The following ITGA8 variants were observed in gnomAD, a reference collection of about 807,000 sequenced individuals.
The protein encoded by ITGA8 is integrin subunit alpha 8, also known as integrin alpha-8.
Under a neutral mutation model 142.3 loss-of-function variants are expected in ITGA8, and 91 were observed. That is an observed-to-expected ratio of 0.64 (90% CI 0.54 to 0.76). The LOEUF is 0.76. ITGA8 is among the 30% of genes least tolerant of loss of function. The pLI is 0.00. For missense variants in ITGA8, 1,406 were observed against 1,327.7 expected (o/e 1.06, Z -0.92); for synonymous variants, 505 against 485.2 (o/e 1.04, Z -0.54).
chr10:15,615,411 G>A (rs1266002371), intron 14 of ITGA8, among the ~76,000 whole-genome samples: 2 of 152,340 alleles, frequency 1.3e-5, no homozygotes, highest in East Asian at 1.9e-4. Flanking sequence ...TCTGGAAGCC[G>A]ATTAGGTTAG....
chr10:15,549,306 G>A (rs2037001752), intron 26 of ITGA8, among the ~76,000 whole-genome samples: 1 of 147,214 alleles, frequency 6.8e-6, no homozygotes, highest in Non-Finnish European at 1.5e-5. Flanking sequence ...TGCTTTCTGG[G>A]TTCAAGTGAT....
chr10:15,634,278 G>A (rs1339768978), intron 13 of ITGA8, among the ~76,000 whole-genome samples: 5 of 152,028 alleles, frequency 3.3e-5, no homozygotes, highest in East Asian at 1.9e-4. Context: ...AAAGGCATGC[G>A]TTATGCCCAT....
chr10:15,665,577 A>T (rs1427518255), intron 8 of ITGA8, among the ~76,000 whole-genome samples: 1 of 30,352 alleles, frequency 3.3e-5, no homozygotes, highest in South Asian at 3.1e-3. Context: ...TGTTTTAGAC[A>T]TGAAGTCCTT....
At chr10:15,692,042 A>G (rs1834945037) in intron 2 of ITGA8, among the ~76,000 whole-genome samples, 1 of 152,048 alleles carries the variant, frequency 6.6e-6, no homozygotes, top group African/African-American at 2.4e-5. Context: ...GGCTCAAGTG[A>G]TCCTCCCATC....
At chr10:15,703,199 CT>C (rs1254101461) in intron 2 of ITGA8, among the ~76,000 whole-genome samples, 1 of 152,142 alleles carries the variant, frequency 6.6e-6, no homozygotes, top group African/African-American at 2.4e-5. Context: ...TTATATTAGT[CT>C]GCCTATTGTA....
chr10:15,646,520 G>A (rs982336345), intron 12 of ITGA8, among the ~76,000 whole-genome samples: 3 of 152,096 alleles, frequency 2.0e-5, no homozygotes, highest in Non-Finnish European at 2.9e-5. Context: ...TCTGATAACC[G>A]AATGTGTCTT....
intron 22 of ITGA8, among the ~76,000 whole-genome samples, chr10:15,588,144 G>A (rs1182618004): frequency 6.6e-6 from 1 of 152,150 alleles, no homozygotes; most frequent in Non-Finnish European, 1.5e-5. Flanking sequence ...GCGGTAGGTT[G>A]TGACTAGCTT....
intron 20 of ITGA8, among the ~76,000 whole-genome samples, chr10:15,602,547 G>T (rs1250405352): frequency 1.3e-5 from 2 of 152,102 alleles, no homozygotes; most frequent in Admixed American, 6.6e-5. Flanking sequence ...AGACCAGCCT[G>T]GGCCATATAG....
intron 23 of ITGA8, among the ~76,000 whole-genome samples, chr10:15,578,845 T>C (rs1476246361): frequency 6.6e-6 from 1 of 152,118 alleles, no homozygotes; most frequent in East Asian, 1.9e-4. Context: ...CAAGTTTACT[T>C]CTCACAGACA....
At chr10:15,561,222 T>C (rs911078639) in intron 25 of ITGA8, among the ~76,000 whole-genome samples, 10 of 104,370 alleles carry the variant, frequency 9.6e-5, no homozygotes, top group Admixed American at 5.5e-4. Context: ...TATATATATA[T>C]ATATATATAT....
chr10:15,676,537 G>A (rs1834633815), intron 6 of ITGA8, among the ~76,000 whole-genome samples: 1 of 152,070 alleles, frequency 6.6e-6, no homozygotes, highest in African/African-American at 2.4e-5. Flanking sequence ...CCCTGTGACA[G>A]TTCGATTAAT....
At chr10:15,523,032 A>G (rs541980690) in intron 28 of ITGA8, among the ~76,000 whole-genome samples, 1 of 152,044 alleles carries the variant, frequency 6.6e-6, no homozygotes, top group South Asian at 2.1e-4. Context: ...AAAAAAAATT[A>G]TTATCTTAAG....
chr10:15,648,670 C>T (rs1834031882), intron 11 of ITGA8, among the ~76,000 whole-genome samples: 1 of 151,922 alleles, frequency 6.6e-6, no homozygotes, highest in African/African-American at 2.4e-5. Flanking sequence ...GGAACAGTTA[C>T]TGAGAACAAG....
rs1417933564 is a variant in ITGA8, at chr10:15,516,779, T to G, written c.*379A>C. ...TCTATAGTAAATCAGTCATTTCACC[T>G]TAGTTCACCTTGTAAATTCTATAGT... On this transcript the variant is annotated 3_prime_UTR_variant, in exon 30 of 30. Transcript: ENST00000378076. 1.2e-5 allele frequency: 2 copies of G among 164,410 alleles called. No homozygotes were observed. The highest frequency in any genetic ancestry group is 2.6e-5 in the Non-Finnish European group (2 of 76,448). 10.2% of individuals were successfully genotyped at this position (164,410 alleles called of 1,614,324 possible). A position where few individuals can be genotyped will look rare whatever the true frequency, so the allele number is the denominator to read the frequency against.
intron 14 of ITGA8, among the ~76,000 whole-genome samples, 155 bp downstream of exon 14, chr10:15,616,355 GGAAA>G (rs1326813057): frequency 6.6e-6 from 1 of 152,010 alleles, no homozygotes; most frequent in Non-Finnish European, 1.5e-5. Context: ...AAAATGCAAA[GGAAA>G]GAAAGAGTGA....
intron 13 of ITGA8, among the ~76,000 whole-genome samples, chr10:15,622,989 G>A (rs1833520990): frequency 6.6e-6 from 1 of 152,178 alleles, no homozygotes; most frequent in Non-Finnish European, 1.5e-5. Context: ...TATGCTTATA[G>A]GCTGTTTGAG....
intron 13 of ITGA8, among the ~76,000 whole-genome samples, chr10:15,617,492 G>T (rs187061570): frequency 2.2e-4 from 33 of 151,920 alleles, no homozygotes; most frequent in African/African-American, 7.5e-4. Context: ...TCCATCTTCA[G>T]GGTTCAAGTG....
chr10:15,713,680 C>T (rs563594654), intron 2 of ITGA8, among the ~76,000 whole-genome samples: 4 of 152,100 alleles, frequency 2.6e-5, no homozygotes, highest in Non-Finnish European at 5.9e-5. Flanking sequence ...CAACCCTAAG[C>T]CAGTTGCAGA....
chr10:15,541,414 A>G (rs907313201), intron 27 of ITGA8, among the ~76,000 whole-genome samples: 5 of 152,226 alleles, frequency 3.3e-5, no homozygotes, highest in African/African-American at 4.8e-5. Context: ...AAGGCATCAA[A>G]AATCACTTCT....
Sources: gnomAD v4.1 joint callset for allele counts (sites outside exome capture counted in the v4.1 genomes callset) on GRCh38, gnomAD v4.1.1 for gene constraint, MANE v1.5 for transcripts, NCBI Gene and HGNC (gene_info 2026-07-23, HGNC 2026-07-21) for gene names.